Variants in SAMTOR observed in about 807,000 individuals in gnomAD.
The protein encoded by SAMTOR is S-adenosylmethionine sensor upstream of mTORC1.
At chr7:112,939,281 T>G in the SAMTOR span, 2 of 409,756 alleles carry the variant, frequency 4.9e-6, no homozygotes, top group Non-Finnish European at 4.4e-6. Context: ...TGTGAGCGTG[T>G]ATGTGTTTGT....
chr7:112,871,114 T>C, the SAMTOR span, among the ~76,000 whole-genome samples: 42 of 152,192 alleles, frequency 2.8e-4, no homozygotes, highest in Non-Finnish European at 4.9e-4. Context: ...GCTTAGATCA[T>C]TGAGGCAAAA....
the SAMTOR span, among the ~76,000 whole-genome samples, chr7:112,877,891 A>G: frequency 2.6e-5 from 4 of 152,176 alleles, no homozygotes; most frequent in African/African-American, 7.2e-5. Context: ...CGCTGTGAAT[A>G]ATAGCTTCCT....
the SAMTOR span, among the ~76,000 whole-genome samples, chr7:112,866,299 T>C: frequency 6.6e-6 from 1 of 152,206 alleles, no homozygotes; most frequent in African/African-American, 2.4e-5. Context: ...AGAATAAGAT[T>C]TGAGATTAAA....
the SAMTOR span, among the ~76,000 whole-genome samples, chr7:112,894,330 C>T: frequency 6.6e-6 from 1 of 152,020 alleles, no homozygotes; most frequent in African/African-American, 2.4e-5. Context: ...TTATATGGTG[C>T]CCCTAAACAA....
the SAMTOR span, among the ~76,000 whole-genome samples, chr7:112,836,796 C>A: frequency 6.6e-6 from 1 of 152,086 alleles, no homozygotes; most frequent in Non-Finnish European, 1.5e-5. Context: ...GTCCATTGGT[C>A]TGTGTGTCTG....
the SAMTOR span, among the ~76,000 whole-genome samples, chr7:112,827,230 G>T: frequency 6.6e-6 from 1 of 152,026 alleles, no homozygotes; most frequent in Non-Finnish European, 1.5e-5. Flanking sequence ...CCCCCAATCT[G>T]CCAGTCTTTG....
the SAMTOR span, among the ~76,000 whole-genome samples, chr7:112,829,981 A>C: frequency 1.3e-5 from 2 of 152,098 alleles, no homozygotes; most frequent in Non-Finnish European, 2.9e-5. Flanking sequence ...TGAGTATTCA[A>C]AGGGGACCTT....
the SAMTOR span, chr7:112,821,597 GAAGTAGAA>G: frequency 1.4e-6 from 1 of 695,202 alleles, no homozygotes; most frequent in Non-Finnish European, 2.3e-6. Context: ...TTAAAATTGA[GAAGTAGAA>G]AAAAATAGCA....
chr7:112,844,744 AT>A, the SAMTOR span, among the ~76,000 whole-genome samples: 1,619 of 152,250 alleles, frequency 0.011, 30 homozygotes, highest in African/African-American at 0.037. Flanking sequence ...TAGAAAAACT[AT>A]TTTAAAATTC....
chr7:112,916,824 CAG>C, the SAMTOR span, among the ~76,000 whole-genome samples: 2 of 152,316 alleles, frequency 1.3e-5, no homozygotes, highest in East Asian at 1.9e-4. Flanking sequence ...CCTACGCCCA[CAG>C]AGTCTCGCTG....
chr7:112,910,119 C>T, the SAMTOR span, among the ~76,000 whole-genome samples: 1 of 151,826 alleles, frequency 6.6e-6, no homozygotes, highest in African/African-American at 2.4e-5. Context: ...TTTGACTGGG[C>T]TCCTGCTGCC....
chr7:112,920,701 C>A, the SAMTOR span, among the ~76,000 whole-genome samples: 1 of 142,638 alleles, frequency 7.0e-6, no homozygotes. Flanking sequence ...CTAGAAAACC[C>A]CACTGTCTCA....
chr7:112,819,603 A>G, the SAMTOR span: 9 of 152,664 alleles, frequency 5.9e-5, no homozygotes, highest in South Asian at 1.4e-3. Flanking sequence ...CAAATGATAT[A>G]AATTCAAACA....
At chr7:112,939,167 C>A in the SAMTOR span, 1 of 180,988 alleles carries the variant, frequency 5.5e-6, no homozygotes, top group South Asian at 9.3e-5. Flanking sequence ...GTAGGTCAAG[C>A]GTAAAGGAGG....
At chr7:112,920,156 T>G in the SAMTOR span, among the ~76,000 whole-genome samples, 3 of 152,278 alleles carry the variant, frequency 2.0e-5, no homozygotes, top group East Asian at 5.8e-4. Context: ...AAAAAGAGAA[T>G]TTTAGACCAA....
chr7:112,891,104 AT>A, the SAMTOR span, among the ~76,000 whole-genome samples: 4 of 133,738 alleles, frequency 3.0e-5, no homozygotes, highest in Non-Finnish European at 7.1e-5. Context: ...TATAAAAAAT[AT>A]ATAGAAATCT....
chr7:112,882,279 C>A, the SAMTOR span, among the ~76,000 whole-genome samples: 4 of 152,196 alleles, frequency 2.6e-5, no homozygotes, highest in African/African-American at 9.6e-5. Context: ...TAACAACCTG[C>A]CAGGCTGAGT....
At chr7:112,888,279 TGA>T in the SAMTOR span, among the ~76,000 whole-genome samples, 1 of 152,206 alleles carries the variant, frequency 6.6e-6, no homozygotes, top group Non-Finnish European at 1.5e-5. Context: ...TGTTGTAGTG[TGA>T]GAGAAGGCAT....
At chr7:112,926,088 C>T in the SAMTOR span, among the ~76,000 whole-genome samples, 1 of 152,144 alleles carries the variant, frequency 6.6e-6, no homozygotes, top group Non-Finnish European at 1.5e-5. Context: ...CACTTAGCCA[C>T]TGAATAAGGG....
Sources: allele counts gnomAD v4.1 joint callset (sites outside exome capture counted in the v4.1 genomes callset), GRCh38; gene constraint gnomAD v4.1.1; transcripts MANE v1.5; gene names NCBI Gene and HGNC (gene_info 2026-07-23, HGNC 2026-07-21).